The following TNR variants were observed in gnomAD, a reference collection of about 807,000 sequenced individuals.
TNR encodes tenascin R, also known as tenascin-R.
In TNR, 45 loss-of-function variants were observed where a neutral mutation model predicts 150.4. The observed-to-expected ratio is 0.30, with a 90% confidence interval of 0.24 to 0.38. The LOEUF (loss-of-function observed/expected upper bound fraction) is 0.38. Ranked by LOEUF, TNR falls within the 10% of genes least tolerant of loss-of-function variation. The pLI, the probability that TNR is intolerant of heterozygous loss-of-function variation, is 1.00. For synonymous variants in TNR, 687 were observed against 678.4 expected (o/e 1.01, Z -0.20); for missense variants, 1,544 against 1,759.1 (o/e 0.88, Z 2.19).
intron 1 of TNR, among the ~76,000 whole-genome samples, chr1:175,592,994 A>C (rs1662859944): frequency 6.6e-6 from 1 of 152,210 alleles, no homozygotes; most frequent in Non-Finnish European, 1.5e-5. Flanking sequence ...TGGAAGATAC[A>C]TCCCTGTTGT....
chr1:175,368,727 A>T (rs1454463134), intron 9 of TNR, among the ~76,000 whole-genome samples: 1 of 152,196 alleles, frequency 6.6e-6, no homozygotes. Flanking sequence ...AGGCGGGTGG[A>T]TCATCTGAGG....
chr1:175,331,078 C>CTTCCTTCTTTCTTTCTTTCT lies in TNR; in HGVS notation c.3632-844_3632-843insAGAAAGAAAGAAAGAAGGAA, dbSNP rs1649829693. ...CTTTCTTTCTTTCTTTCTTTCTTTC[C>CTTCCTTCTTTCTTTCTTTCT]TTCTTTCTTTCTTTCTTTCTTTCTC... On this transcript the variant is annotated intron_variant, in intron 20 of 22. Transcript: ENST00000367674. Among the ~76,000 whole-genome samples the CTTCCTTCTTTCTTTCTTTCT allele has an allele frequency of 7.5e-4, 45 of 59,944 alleles. 1 individual carries two copies. The highest frequency in any genetic ancestry group is 2.6e-3 in the African/African-American group (42 of 15,862). 39.3% of individuals were successfully genotyped at this position (59,944 alleles called of 152,430 possible).
intron 18 of TNR, among the ~76,000 whole-genome samples, chr1:175,347,581 C>T (rs1330932461): frequency 6.6e-6 from 1 of 152,048 alleles, no homozygotes; most frequent in Non-Finnish European, 1.5e-5. Context: ...GTGTGCACCA[C>T]CATGCCCAGC....
At chr1:175,707,661 C>T (rs1235797196) in intron 1 of TNR, among the ~76,000 whole-genome samples, 1 of 152,114 alleles carries the variant, frequency 6.6e-6, no homozygotes, top group African/African-American at 2.4e-5. Context: ...TATTTTATAG[C>T]CTCTTTTTAA....
At chr1:175,533,653 A>G (rs1279323542) in intron 1 of TNR, among the ~76,000 whole-genome samples, 1 of 152,246 alleles carries the variant, frequency 6.6e-6, no homozygotes, top group Non-Finnish European at 1.5e-5. Flanking sequence ...GACAGAGTCC[A>G]TAATTATCTT....
rs1302188773 is a variant in TNR, at chr1:175,406,750, G to T, written c.-36C>A. On this transcript the variant is annotated 5_prime_UTR_variant, in exon 3 of 23. Transcript: ENST00000367674. ...AGAGATCTGGGTTCAGGACCAGCCT[G>T]CAGCACACAGCATGGAGTTGTGGGA... The T allele has an allele frequency of 6.2e-7, 1 of 1,600,908 alleles. No individual in the cohort carries two copies. The highest frequency in any genetic ancestry group is 1.1e-5 in the South Asian group (1 of 88,092).
chr1:175,583,325 C>T (rs895361921), intron 1 of TNR, among the ~76,000 whole-genome samples: 1 of 152,174 alleles, frequency 6.6e-6, no homozygotes, highest in Non-Finnish European at 1.5e-5. Context: ...GCCACAGTGC[C>T]TGTGAGAGCT....
chr1:175,574,589 A>T lies in TNR; in HGVS notation c.-164-46220T>A, dbSNP rs1288928776. ...CCATCCAGTACACACTTGTACATACACACACACACACACAACCTTTTTATA... is the reference window on the plus strand; with the variant it reads ...CCATCCAGTACACACTTGTACATACTCACACACACACACAACCTTTTTATA... On this transcript the variant is annotated intron_variant, in intron 1 of 22. Coordinates refer to ENST00000367674, the MANE Select transcript of TNR (RefSeq NM_003285.3). Among the ~76,000 whole-genome samples, 3 of 151,046 alleles carry T rather than the reference A, an allele frequency of 2.0e-5. No individual in the cohort carries two copies. The East Asian group carries it at 5.8e-4, about 29-fold the overall frequency.
At chr1:175,568,978 T>G (rs1215761928) in intron 1 of TNR, among the ~76,000 whole-genome samples, 4 of 152,134 alleles carry the variant, frequency 2.6e-5, no homozygotes, top group Non-Finnish European at 5.9e-5. Context: ...GAGGCTTTTT[T>G]TTCTAGTCTC....
intron 5 of TNR, among the ~76,000 whole-genome samples, chr1:175,396,294 TA>T (rs1303208670): frequency 6.6e-6 from 1 of 152,230 alleles, no homozygotes; most frequent in Non-Finnish European, 1.5e-5. Flanking sequence ...ACTCCATAAT[TA>T]AAGTACTTTT....
At chr1:175,414,699 T>G (rs1317879892) in intron 2 of TNR, among the ~76,000 whole-genome samples, 1 of 152,158 alleles carries the variant, frequency 6.6e-6, no homozygotes, top group African/African-American at 2.4e-5. Context: ...GGGGAGAGAC[T>G]TGGGTCACCC....
chr1:175,463,446 A>G (rs143187835), intron 2 of TNR, among the ~76,000 whole-genome samples: 133 of 152,376 alleles, frequency 8.7e-4, no homozygotes, highest in African/African-American at 2.9e-3. Flanking sequence ...ACATCCAGGA[A>G]TAAGGTTATT....
intron 2 of TNR, among the ~76,000 whole-genome samples, chr1:175,438,823 T>A (rs1655640383): frequency 6.6e-6 from 1 of 152,204 alleles, no homozygotes; most frequent in South Asian, 2.1e-4. Context: ...ACAAGGGATG[T>A]GAAGGACTTC....
intron 2 of TNR, among the ~76,000 whole-genome samples, chr1:175,510,209 A>G (rs1355718190): frequency 2.0e-5 from 3 of 152,210 alleles, no homozygotes; most frequent in Non-Finnish European, 4.4e-5. Context: ...AGCCCGGATG[A>G]CAGAGCAAGA....
At chr1:175,353,920 A>G (rs1306756074) in intron 18 of TNR, among the ~76,000 whole-genome samples, 1 of 151,248 alleles carries the variant, frequency 6.6e-6, no homozygotes, top group Non-Finnish European at 1.5e-5. Flanking sequence ...ATCTCAGCTC[A>G]CTGCAACCTC....
At chr1:175,723,375 G>A (rs981271332) in intron 1 of TNR, among the ~76,000 whole-genome samples, 29 of 151,966 alleles carry the variant, frequency 1.9e-4, no homozygotes, top group African/African-American at 6.8e-4. Context: ...AGTCTACCTG[G>A]GTGTCATCTC....
chr1:175,629,898 A>G (rs1409603059), intron 1 of TNR, among the ~76,000 whole-genome samples: 1 of 152,224 alleles, frequency 6.6e-6, no homozygotes, highest in Non-Finnish European at 1.5e-5. Context: ...TATAGAAAAT[A>G]AAAGCGGTGA....
intron 9 of TNR, among the ~76,000 whole-genome samples, chr1:175,378,350 T>C (rs982760960): frequency 1.3e-5 from 2 of 152,068 alleles, no homozygotes; most frequent in Non-Finnish European, 2.9e-5. Context: ...TGGTGAACCC[T>C]GAGATTCAAT....
chr1:175,442,148 A>G (rs16848427), intron 2 of TNR, among the ~76,000 whole-genome samples: 2,039 of 152,248 alleles, frequency 0.013, 57 homozygotes, highest in African/African-American at 0.047. Context: ...AGTGCAGTCA[A>G]TTTTAGTTTG....
Sources: allele counts gnomAD v4.1 joint callset (sites outside exome capture counted in the v4.1 genomes callset), GRCh38; gene constraint gnomAD v4.1.1; transcripts MANE v1.5; gene names NCBI Gene and HGNC (gene_info 2026-07-23, HGNC 2026-07-21).